Variants in DAPK3 observed in about 807,000 individuals in gnomAD.
DAPK3 encodes death associated protein kinase 3.
DAPK3 carries 24 observed loss-of-function variants against 30.6 expected under a neutral mutation model. That is an observed-to-expected ratio of 0.78 (90% CI 0.57 to 1.10). The LOEUF (loss-of-function observed/expected upper bound fraction) is 1.10. DAPK3 is among the 50% of genes least tolerant of loss of function. The pLI, the probability that DAPK3 is intolerant of heterozygous loss-of-function variation, is 0.00. For missense variants in DAPK3, 629 were observed against 657.3 expected (o/e 0.96, Z 0.47); for synonymous variants, 341 against 284.0 (o/e 1.20, Z -2.02).
chr19:3,961,240 G>A, intron 6 of DAPK3, 79 bp from the exon 7 acceptor site: 1 of 1,219,708 alleles, frequency 8.2e-7, no homozygotes, highest in South Asian at 1.3e-5. Flanking sequence ...GCCCACGACA[G>A]GCGGAGCACA....
At chr19:3,964,112 G>T in intron 4 of DAPK3, 132 bp downstream of exon 4, 1 of 918,246 alleles carries the variant, frequency 1.1e-6, no homozygotes. Flanking sequence ...CTCCCGCAAA[G>T]CCGGGCCCAA....
Position 3,958,747 on chromosome 19 carries a change from A to G in DAPK3, c.*354T>C, listed in dbSNP as rs1462032519. ...CCGAATTGTCCGTGCAACTACCCGC[A>G]AACCCTCCTCCGGGCCTGAACCAGG... On this transcript the variant is annotated 3_prime_UTR_variant, in exon 9 of 9. Coordinates refer to ENST00000545797, the MANE Select transcript of DAPK3 (RefSeq NM_001348.3). 1 of 388,612 alleles carries G rather than the reference A, an allele frequency of 2.6e-6. No individual in the cohort carries two copies. Among genetic ancestry groups the G allele is most frequent in the Non-Finnish European group, 4.9e-6 (1 of 203,054 alleles). The allele number at this position is 388,612 out of a possible 1,614,324, so 24.1% of individuals were successfully genotyped here. A position where few individuals can be genotyped will look rare whatever the true frequency, so the allele number is the denominator to read the frequency against.
At chr19:3,963,725 G>T in intron 5 of DAPK3, 56 bp from the exon 6 acceptor site, 1 of 1,453,542 alleles carries the variant, frequency 6.9e-7, no homozygotes, top group Non-Finnish European at 9.3e-7. Flanking sequence ...CACCCTCCCA[G>T]GACCGTGGCG....
chr19:3,966,947 G>C (rs2039583766), intron 2 of DAPK3, among the ~76,000 whole-genome samples: 1 of 152,140 alleles, frequency 6.6e-6, no homozygotes, highest in Admixed American at 6.6e-5. Flanking sequence ...AGCCGGGAAA[G>C]AAACTCCCCA....
At chr19:3,965,977 G>A (rs956098597) in intron 2 of DAPK3, among the ~76,000 whole-genome samples, 1 of 152,064 alleles carries the variant, frequency 6.6e-6, no homozygotes, top group Non-Finnish European at 1.5e-5. Context: ...TAGAGACAGG[G>A]TCTTGCCGTA....
rs199986718 is a variant in DAPK3 at position 3,964,963 on chromosome 19, G to C, written c.91C>G (p.Arg31Gly). The change falls in exon 3 of 9, where the codon CGG (arginine) becomes GGG (glycine). Residue 31 changes from arginine (R) to glycine (G), a missense_variant. Arg to Gly is a moderately radical substitution (Grantham distance 125). Coordinates refer to ENST00000545797, the MANE Select transcript of DAPK3 (RefSeq NM_001348.3). Reference protein sequence around the residue: ...SGQFAIVRKCRQKGTGKEYAA... With the variant: ...SGQFAIVRKCGQKGTGKEYAA... The stretch of plus-strand genomic sequence containing the variant: ...TACTCCTTGCCCGTGCCCTTCTGCC[G>C]GCACTTCCGCACGATCGCAAACTGG... 97 of 1,609,610 alleles carry C rather than the reference G, an allele frequency of 6.0e-5. No homozygotes were observed. Among genetic ancestry groups the C allele is most frequent in the Non-Finnish European group, 7.7e-5 (91 of 1,177,778 alleles).
At chr19:3,959,672 G>A (rs1316756905) in intron 8 of DAPK3, 35 bp from the exon 9 acceptor site, 9 of 1,518,508 alleles carry the variant, frequency 5.9e-6, no homozygotes, top group Admixed American at 2.0e-5. Context: ...GGGTCCCCGC[G>A]ATGCCACCCA....
chr19:3,965,831 A>G (rs751650560), intron 2 of DAPK3, among the ~76,000 whole-genome samples: 1 of 150,384 alleles, frequency 6.6e-6, no homozygotes, highest in South Asian at 2.1e-4. Context: ...CACCCAATTA[A>G]TTTTTTTTTC....
At chr19:3,965,396 A>C (rs1009670650) in intron 2 of DAPK3, among the ~76,000 whole-genome samples, 1 of 152,178 alleles carries the variant, frequency 6.6e-6, no homozygotes, top group Non-Finnish European at 1.5e-5. Flanking sequence ...GAGGGCAGAT[A>C]ACTTGAGCTG....
In DAPK3 at chr19:3,959,072, G is replaced by A. The variant is rs781424571; in HGVS notation, c.*29C>T. The A allele has an allele frequency of 2.1e-6, 3 of 1,430,782 alleles. No individual in the cohort carries two copies. The South Asian group carries it at 4.2e-5, about 20-fold the overall frequency. The allele number at this position is 1,430,782 out of a possible 1,614,324, so 88.6% of individuals were successfully genotyped here. On this transcript the variant is annotated 3_prime_UTR_variant, in exon 9 of 9. Transcript: ENST00000545797. ...CCCCACCGCAGGCCGAGCTCCGGCTGTCCTGGGGCCTGGCCCACCCCACTG... is the reference window on the plus strand; with the variant it reads ...CCCCACCGCAGGCCGAGCTCCGGCTATCCTGGGGCCTGGCCCACCCCACTG...
chr19:3,959,268 T>C lies in DAPK3; in HGVS notation c.1198A>G (p.Lys400Glu). The C allele has an allele frequency of 6.3e-7, 1 of 1,599,010 alleles. No homozygotes were observed. The highest frequency in any genetic ancestry group is 1.7e-5 in the Admixed American group (1 of 59,758). ...ALKRQAQEEA[K>E]GALLGTSGLK... is the part of the protein sequence containing the mutation. ...CCGCTGGTCCCCAGCAGCGCGCCCT[T>C]GGCCTCCTCCTGCGCCTGCCGCTTG... Residue 400 changes from lysine to glutamate, a missense_variant, in exon 9 of 9, where the codon AAG (lysine) becomes GAG (glutamate). Transcript: ENST00000545797.
chr19:3,970,517 C>T (rs12978629), intron 1 of DAPK3: 31,497 of 151,286 alleles, frequency 0.21, 3,624 homozygotes, highest in African/African-American at 0.3. Flanking sequence ...TGACTCCCTC[C>T]AATTCTGAAT....
At chr19:3,968,363 C>T (rs1037585111) in intron 2 of DAPK3, among the ~76,000 whole-genome samples, 3 of 151,868 alleles carry the variant, frequency 2.0e-5, no homozygotes, top group Non-Finnish European at 4.4e-5. Flanking sequence ...GGGGTGGTGG[C>T]GGGCTCCTGT....
In DAPK3 at chr19:3,958,534, C is replaced by G. The variant is rs1215655965; in HGVS notation, c.*567G>C. ...CGTCCACAGGCGCGACGATGGGGCT[C>G]GCGGAGGAGTCCGCAGCAGGGCACC... On this transcript the variant is annotated 3_prime_UTR_variant, in exon 9 of 9. Transcript: ENST00000545797. The G allele has an allele frequency of 2.2e-6, 1 of 456,614 alleles. No individual in the cohort carries two copies. The highest frequency in any genetic ancestry group is 2.0e-5 in the African/African-American group (1 of 50,076). 28.3% of individuals were successfully genotyped at this position (456,614 alleles called of 1,614,324 possible).
intron 2 of DAPK3, among the ~76,000 whole-genome samples, chr19:3,969,140 T>A (rs1356063782): frequency 1.3e-5 from 2 of 152,034 alleles, no homozygotes; most frequent in Non-Finnish European, 2.9e-5. Context: ...CAGGGAGATT[T>A]TTTTTTTTTT....
At position 3,958,670 on chromosome 19, in the gene DAPK3, C is replaced by T. The variant is rs568790324; in HGVS notation, c.*431G>A. ...GCCTGTCCGCCGTCCATCCCACCCT[C>T]CCCGTCCCACGACCTCCTCCTGGGC... On this transcript the variant is annotated 3_prime_UTR_variant, in exon 9 of 9. Coordinates refer to ENST00000545797, the MANE Select transcript of DAPK3 (RefSeq NM_001348.3). The T allele has an allele frequency of 2.7e-6, 1 of 370,390 alleles. No homozygotes were observed. The highest frequency in any genetic ancestry group is 2.0e-5 in the South Asian group (1 of 50,766). The allele number at this position is 370,390 out of a possible 1,614,324, so 22.9% of individuals were successfully genotyped here. A position where few individuals can be genotyped will look rare whatever the true frequency, so the allele number is the denominator to read the frequency against.
At chr19:3,965,309 A>G (rs1199605098) in intron 2 of DAPK3, among the ~76,000 whole-genome samples, 1 of 152,204 alleles carries the variant, frequency 6.6e-6, no homozygotes, top group African/African-American at 2.4e-5. Flanking sequence ...TGAACAGTTC[A>G]ATGCATATCA....
At position 3,966,114 on chromosome 19, in the gene DAPK3, G is replaced by A. The variant is rs183848517; in HGVS notation, c.63-1123C>T. 1.4e-3 allele frequency among the ~76,000 whole-genome samples: 206 copies of A among 152,316 alleles called. 1 individual carries two copies. Among genetic ancestry groups the A allele is most frequent in the Non-Finnish European group, 2.4e-3 (161 of 68,032 alleles). On this transcript the variant is annotated intron_variant, in intron 2 of 8. Coordinates refer to ENST00000545797, the MANE Select transcript of DAPK3 (RefSeq NM_001348.3). ...CGCATTTTAAAGAAACCAAGGCTGA[G>A]AAAAGGAAAGCAACTAGCCCAAGGT... is the stretch of plus-strand genomic sequence containing the variant.
chr19:3,963,103 CAA>C (rs35742812), intron 6 of DAPK3, among the ~76,000 whole-genome samples: 211 of 143,600 alleles, frequency 1.5e-3, no homozygotes, highest in Middle Eastern at 7.1e-3. Flanking sequence ...AAAACTCCAT[CAA>C]AAAAAAAAAA....
Sources: allele counts gnomAD v4.1 joint callset (sites outside exome capture counted in the v4.1 genomes callset), GRCh38; gene constraint gnomAD v4.1.1; transcripts MANE v1.5; gene names NCBI Gene and HGNC (gene_info 2026-07-23, HGNC 2026-07-21).